The following ZNF609 variants were observed in gnomAD, a reference collection of about 807,000 sequenced individuals.
ZNF609 encodes the protein zinc finger protein 609.
ZNF609 carries 11 observed loss-of-function variants against 109.5 expected under a neutral mutation model. The ratio of observed to expected loss-of-function variants is 0.10; its 90% CI spans 0.06 to 0.17. The LOEUF (loss-of-function observed/expected upper bound fraction) is 0.17, where lower values mean the gene tolerates loss of function less well. Among genes scored for constraint, ZNF609 ranks in the 10% least tolerant of loss-of-function variants. ZNF609 has a pLI of 1.00. For synonymous variants in ZNF609, 646 were observed against 662.0 expected (o/e 0.98, Z 0.37); for missense variants, 1,559 against 1,772.4 (o/e 0.88, Z 2.16).
chr15:64,466,609 A>C (rs1452853458), intron 1 of ZNF609, among the ~76,000 whole-genome samples: 1 of 152,186 alleles, frequency 6.6e-6, no homozygotes, highest in Non-Finnish European at 1.5e-5. Context: ...TGATCTACCT[A>C]AAGCTAAGCT....
At chr15:64,585,071 T>C (rs972434169) in intron 2 of ZNF609, among the ~76,000 whole-genome samples, 12 of 150,616 alleles carry the variant, frequency 8.0e-5, no homozygotes, top group Admixed American at 2.0e-4. Flanking sequence ...ATGCCTATAA[T>C]CCCAGCACTT....
chr15:64,656,130 C>A (rs1219676273), intron 3 of ZNF609, among the ~76,000 whole-genome samples: 1 of 152,072 alleles, frequency 6.6e-6, no homozygotes, highest in Non-Finnish European at 1.5e-5. Flanking sequence ...ATGGCGCGAT[C>A]TTGGCCCACT....
At chr15:64,618,008 GA>G (rs1250897159) in intron 2 of ZNF609, among the ~76,000 whole-genome samples, 1 of 152,146 alleles carries the variant, frequency 6.6e-6, no homozygotes. Flanking sequence ...GGCATCTAAT[GA>G]CCTTAACTTT....
intron 3 of ZNF609, among the ~76,000 whole-genome samples, chr15:64,655,068 C>A (rs996605553): frequency 2.7e-5 from 4 of 149,098 alleles, no homozygotes; most frequent in African/African-American, 4.9e-5. Flanking sequence ...TGTGGTCCAG[C>A]CTGGGTGACA....
intron 2 of ZNF609, among the ~76,000 whole-genome samples, chr15:64,510,417 C>T (rs1893707261): frequency 6.6e-6 from 1 of 151,798 alleles, no homozygotes; most frequent in Non-Finnish European, 1.5e-5. Flanking sequence ...GTTGTCCAGG[C>T]TGGTCTGAAA....
chr15:64,668,604 T>C (rs1220698829), intron 3 of ZNF609, among the ~76,000 whole-genome samples: 3 of 151,976 alleles, frequency 2.0e-5, no homozygotes, highest in Non-Finnish European at 4.4e-5. Context: ...AGAGGATAGC[T>C]TGAGCCCGAG....
intron 2 of ZNF609, among the ~76,000 whole-genome samples, chr15:64,575,379 G>A (rs966379649): frequency 2.0e-5 from 3 of 151,116 alleles, no homozygotes; most frequent in Admixed American, 6.6e-5. Context: ...AGCCTAGATC[G>A]CACCATTGCA....
chr15:64,461,361 A>G (rs777269303), intron 1 of ZNF609, among the ~76,000 whole-genome samples: 49 of 151,968 alleles, frequency 3.2e-4, no homozygotes, highest in Non-Finnish European at 6.2e-4. Flanking sequence ...TCTTCAGGTC[A>G]CATTTACTCC....
intron 1 of ZNF609, among the ~76,000 whole-genome samples, chr15:64,492,145 A>C (rs1893422085): frequency 6.6e-6 from 1 of 152,034 alleles, no homozygotes; most frequent in Non-Finnish European, 1.5e-5. Flanking sequence ...TGGGAGGCTG[A>C]GGCAGGAGAA....
At chr15:64,612,060 T>C (rs1466788097) in intron 2 of ZNF609, among the ~76,000 whole-genome samples, 1 of 150,892 alleles carries the variant, frequency 6.6e-6, no homozygotes, top group African/African-American at 2.4e-5. Context: ...TAGTGCACAA[T>C]AGAACAGCCT....
At chr15:64,646,285 G>A (rs1896332401) in intron 3 of ZNF609, among the ~76,000 whole-genome samples, 1 of 152,014 alleles carries the variant, frequency 6.6e-6, no homozygotes, top group East Asian at 1.9e-4. Context: ...CTTGAGCCCA[G>A]GAATTCAAGA....
intron 2 of ZNF609, among the ~76,000 whole-genome samples, chr15:64,550,542 TA>T (rs1158047831): frequency 1.9e-4 from 27 of 143,812 alleles, no homozygotes; most frequent in Admixed American, 2.1e-4. Context: ...AATAAATAAT[TA>T]AAAAAAAAAA....
rs1778471154 is a variant in ZNF609, at chr15:64,685,150, A to G, written c.*3464A>G. 1 of 151,642 alleles carries G rather than the reference A, an allele frequency of 6.6e-6. No homozygotes were observed. The highest frequency in any genetic ancestry group is 1.5e-5 in the Non-Finnish European group (1 of 67,866). 9.4% of individuals were successfully genotyped at this position (151,642 alleles called of 1,614,324 possible). A position where few individuals can be genotyped will look rare whatever the true frequency, so the allele number is the denominator to read the frequency against. Reference sequence around the variant, plus strand: ...TCCCTTCTGTAAAGTGTACATTACCAAGTTCCTTGTTTTTTTATATATATA... The same window carrying G: ...TCCCTTCTGTAAAGTGTACATTACCGAGTTCCTTGTTTTTTTATATATATA... On this transcript the variant is annotated 3_prime_UTR_variant, in exon 10 of 10. Coordinates refer to ENST00000326648, the MANE Select transcript of ZNF609 (RefSeq NM_015042.2).
At chr15:64,563,620 A>G (rs1894723141) in intron 2 of ZNF609, among the ~76,000 whole-genome samples, 2 of 151,524 alleles carry the variant, frequency 1.3e-5, no homozygotes, top group African/African-American at 4.9e-5. Context: ...TCTATGAAAA[A>G]CAAAATTTAG....
At chr15:64,539,159 A>G (rs1350768685) in intron 2 of ZNF609, among the ~76,000 whole-genome samples, 1 of 134,924 alleles carries the variant, frequency 7.4e-6, no homozygotes, top group South Asian at 2.8e-4. Context: ...GCCTGCCACC[A>G]TGCCTTATTT....
chr15:64,615,298 A>G (rs1252559956), intron 2 of ZNF609, among the ~76,000 whole-genome samples: 1 of 151,772 alleles, frequency 6.6e-6, no homozygotes, highest in Non-Finnish European at 1.5e-5. Context: ...ACACACCACC[A>G]TGCCTGGCTA....
chr15:64,497,257 A>G, intron 1 of ZNF609, among the ~76,000 whole-genome samples: 1 of 152,180 alleles, frequency 6.6e-6, no homozygotes, highest in East Asian at 1.9e-4. Flanking sequence ...TTTACTAATA[A>G]ATAGTGGTTG....
chr15:64,545,310 C>T (rs1485255416), intron 2 of ZNF609, among the ~76,000 whole-genome samples: 2 of 151,966 alleles, frequency 1.3e-5, no homozygotes, highest in Non-Finnish European at 1.5e-5. Flanking sequence ...GCCAATCTCC[C>T]ACCTCACCCT....
At chr15:64,498,157 C>G (rs932747425) in intron 1 of ZNF609, among the ~76,000 whole-genome samples, 1 of 152,006 alleles carries the variant, frequency 6.6e-6, no homozygotes, top group African/African-American at 2.4e-5. Flanking sequence ...TCAAATGATT[C>G]TTCTGCCTCA....
Sources: gnomAD v4.1 joint callset for allele counts (sites outside exome capture counted in the v4.1 genomes callset) on GRCh38, gnomAD v4.1.1 for gene constraint, MANE v1.5 for transcripts, NCBI Gene and HGNC (gene_info 2026-07-23, HGNC 2026-07-21) for gene names.